Variants in SETDB2 observed in about 807,000 individuals in gnomAD.
SETDB2 encodes the protein histone-lysine N-methyltransferase SETDB2.
A neutral mutation model predicts 82.5 loss-of-function variants in SETDB2; 56 were observed. That is an observed-to-expected ratio of 0.68 (90% CI 0.55 to 0.85). The LOEUF (loss-of-function observed/expected upper bound fraction) is 0.85, where lower values mean the gene tolerates loss of function less well. Ranked by LOEUF, SETDB2 falls within the 40% of genes least tolerant of loss-of-function variation. SETDB2 has a pLI of 0.00. For synonymous variants in SETDB2, 272 were observed against 284.9 expected (o/e 0.95, Z 0.46); for missense variants, 677 against 816.4 (o/e 0.83, Z 2.08).
intron 12 of SETDB2, among the ~76,000 whole-genome samples, chr13:49,489,777 G>A (rs962345044): frequency 1.3e-5 from 2 of 149,424 alleles, no homozygotes; most frequent in African/African-American, 4.9e-5. Flanking sequence ...TGCATTTTTA[G>A]TAGAGACACA....
rs1296524911 is a variant in SETDB2 at position 49,476,669 on chromosome 13, A to G, written c.499A>G (p.Lys167Glu). The G allele has an allele frequency of 6.2e-7, 1 of 1,614,080 alleles. No individual in the cohort carries two copies. The highest frequency in any genetic ancestry group is 8.5e-7 in the Non-Finnish European group (1 of 1,180,046). The change falls in exon 6 of 14, where the codon AAG (lysine) becomes GAG (glutamate). Residue 167 changes from lysine (K) to glutamate (E), a missense_variant. This residue lies in a region of SETDB2 where 243 missense variants were observed against 237.2 expected (regional missense o/e 1.02). Transcript: ENST00000611815. ...ATGTCACTTCCAAAGACGACATGCA[A>G]AGACAAACTCTCATTCTTCAGCACT... is the stretch of plus-strand genomic sequence containing the variant. ...IKCHFQRRHA[K>E]TNSHSSALHV...
chr13:49,492,118 T>G lies in SETDB2; in HGVS notation c.*269T>G. The G allele has an allele frequency of 7.3e-6, 2 of 274,280 alleles. No homozygotes were observed. The highest frequency in any genetic ancestry group is 4.8e-5 in the Admixed American group (1 of 20,938). The allele number at this position is 274,280 out of a possible 1,614,324, so 17.0% of individuals were successfully genotyped here. A position where few individuals can be genotyped will look rare whatever the true frequency, so the allele number is the denominator to read the frequency against. On this transcript the variant is annotated 3_prime_UTR_variant, in exon 14 of 14. Transcript: ENST00000611815. The stretch of plus-strand genomic sequence containing the variant: ...TTTTATATGAAATACCACTGTACAA[T>G]TTATAATTTATTTACAAATTATATA...
intron 5 of SETDB2, among the ~76,000 whole-genome samples, chr13:49,474,043 C>T (rs1445637950): frequency 6.6e-6 from 1 of 152,196 alleles, no homozygotes; most frequent in Non-Finnish European, 1.5e-5. Flanking sequence ...GGGTGGATCA[C>T]TTGAGGTCAA....
rs1395321869 is a variant in SETDB2, at chr13:49,460,541, C to T, written c.142+309C>T. Among the ~76,000 whole-genome samples the T allele has an allele frequency of 3.3e-5, 5 of 152,224 alleles. No homozygotes were observed. The East Asian group carries it at 9.6e-4, about 29-fold the overall frequency. ...TTTTTCATATGTATGTGTAAAAGTA[C>T]ATATAACTTTATTTTGCCTGCTTTA... On this transcript the variant is annotated intron_variant, in intron 3 of 13. Coordinates refer to ENST00000611815, the MANE Select transcript of SETDB2 (RefSeq NM_001160308.3).
At chr13:49,452,930 T>C (rs192004326) in intron 2 of SETDB2, among the ~76,000 whole-genome samples, 134 of 152,282 alleles carry the variant, frequency 8.8e-4, no homozygotes, top group Middle Eastern at 3.4e-3. Flanking sequence ...TCAACAGAGC[T>C]TGAGCTGGCT....
intron 5 of SETDB2, among the ~76,000 whole-genome samples, chr13:49,470,575 T>C (rs1409430566): frequency 6.6e-6 from 1 of 152,142 alleles, no homozygotes; most frequent in Non-Finnish European, 1.5e-5. Flanking sequence ...AGGCTGAGCA[T>C]GGTGGCTCAC....
At chr13:49,454,007 A>G (rs1158608331) in intron 2 of SETDB2, among the ~76,000 whole-genome samples, 3 of 152,144 alleles carry the variant, frequency 2.0e-5, no homozygotes, top group Non-Finnish European at 4.4e-5. Context: ...CACGTGGATC[A>G]TTTTAGTCTC....
At chr13:49,461,962 T>G (rs1162374713) in intron 4 of SETDB2, among the ~76,000 whole-genome samples, 2 of 152,176 alleles carry the variant, frequency 1.3e-5, no homozygotes, top group African/African-American at 2.4e-5. Flanking sequence ...TAAAGGATAT[T>G]ATAAAGGATA....
rs1958051227 is a variant in SETDB2, at chr13:49,464,012, G to A, written c.208+2850G>A. On this transcript the variant is annotated intron_variant, in intron 4 of 13. Transcript: ENST00000611815. Reference sequence around the variant, plus strand: ...TTTATTTTTCTTTCTTTAATTCCCTGCCTCACAGGAGCATCACAGAAAGAA... The same window carrying A: ...TTTATTTTTCTTTCTTTAATTCCCTACCTCACAGGAGCATCACAGAAAGAA... 4 of 763,734 alleles carry A rather than the reference G, an allele frequency of 5.2e-6. No homozygotes were observed. In the East Asian group the frequency reaches 9.8e-5, roughly 19 times the overall value. 47.3% of individuals were successfully genotyped at this position (763,734 alleles called of 1,614,324 possible). A position where few individuals can be genotyped will look rare whatever the true frequency, so the allele number is the denominator to read the frequency against.
intron 5 of SETDB2, among the ~76,000 whole-genome samples, chr13:49,469,742 T>C (rs184746776): frequency 6.6e-6 from 1 of 152,268 alleles, no homozygotes; most frequent in Admixed American, 6.5e-5. Context: ...GAGATTTAAT[T>C]TGTAGAGTCT....
intron 11 of SETDB2, among the ~76,000 whole-genome samples, chr13:49,487,476 C>T (rs934036853): frequency 6.6e-6 from 1 of 152,160 alleles, no homozygotes; most frequent in Non-Finnish European, 1.5e-5. Flanking sequence ...AACAGGACTA[C>T]AGGCACACAC....
chr13:49,451,118 A>G (rs932145714), intron 1 of SETDB2, among the ~76,000 whole-genome samples: 8 of 151,796 alleles, frequency 5.3e-5, no homozygotes, highest in African/African-American at 1.4e-4. Context: ...TAAATATACT[A>G]CAATCCAAAT....
intron 4 of SETDB2, 78 bp downstream of exon 4, chr13:49,461,240 G>A: frequency 1.1e-6 from 1 of 901,526 alleles, no homozygotes; most frequent in South Asian, 2.0e-5. Flanking sequence ...TTAATATGTT[G>A]GGCTAATTAA....
In SETDB2 at chr13:49,444,283, G is replaced by C. The variant is rs1029124551; in HGVS notation, c.-916G>C. 6.7e-5 allele frequency: 22 copies of C among 329,480 alleles called. No individual in the cohort carries two copies. Among genetic ancestry groups the C allele is most frequent in the Non-Finnish European group, 1.2e-4 (20 of 166,590 alleles). The allele number at this position is 329,480 out of a possible 1,614,324, so 20.4% of individuals were successfully genotyped here. ...CGGCCTGGTCCCCGGCGGAGGTTAC[G>C]CCTTCCCTCATCCCCGGTAGAGGCA... On this transcript the variant is annotated 5_prime_UTR_variant, in exon 1 of 14. Transcript: ENST00000611815.
At chr13:49,459,351 T>A (rs1163629962) in intron 2 of SETDB2, among the ~76,000 whole-genome samples, 1 of 152,250 alleles carries the variant, frequency 6.6e-6, no homozygotes, top group Non-Finnish European at 1.5e-5. Flanking sequence ...CTGTGCCTAC[T>A]CCAGTGACCT....
intron 5 of SETDB2, among the ~76,000 whole-genome samples, chr13:49,471,163 G>C (rs147059444): frequency 6.7e-6 from 1 of 148,670 alleles, no homozygotes; most frequent in Non-Finnish European, 1.5e-5. Context: ...TTTTTGTAGC[G>C]ATGTGGTCTC....
chr13:49,475,983 T>C (rs1024543053), intron 5 of SETDB2, among the ~76,000 whole-genome samples: 2 of 152,132 alleles, frequency 1.3e-5, no homozygotes, highest in African/African-American at 4.8e-5. Context: ...TTTTTTTGCA[T>C]GCAAAGAGCT....
chr13:49,488,104 G>T, intron 11 of SETDB2, 186 bp from the exon 12 acceptor site: 1 of 464,736 alleles, frequency 2.2e-6, no homozygotes, highest in Non-Finnish European at 2.8e-6. Context: ...TCTCGTTATT[G>T]TGGGTCAGAT....
intron 6 of SETDB2, 36 bp downstream of exon 6, chr13:49,477,075 C>A: frequency 6.6e-7 from 1 of 1,511,436 alleles, no homozygotes; most frequent in South Asian, 1.3e-5. Flanking sequence ...AAAAAATCTT[C>A]TGAATGTAAG....
Sources: gnomAD v4.1 joint callset for allele counts (sites outside exome capture counted in the v4.1 genomes callset) on GRCh38, gnomAD v4.1.1 for gene constraint, gnomAD v4.1.1 regional missense constraint, MANE v1.5 for transcripts, NCBI Gene and HGNC (gene_info 2026-07-23, HGNC 2026-07-21) for gene names.